WDHD1: variants seen among roughly 807,000 people sequenced by gnomAD.
The protein encoded by WDHD1 is WD repeat and HMG-box DNA-binding protein 1.
Under a neutral mutation model 135.4 loss-of-function variants are expected in WDHD1, and 111 were observed. That is an observed-to-expected ratio of 0.82 (90% CI 0.70 to 0.96). The LOEUF (loss-of-function observed/expected upper bound fraction) is 0.96. Among genes scored for constraint, WDHD1 ranks in the 40% least tolerant of loss-of-function variants. The pLI is 0.00. For synonymous variants in WDHD1, 434 were observed against 439.0 expected (o/e 0.99, Z 0.14); for missense variants, 1,351 against 1,336.3 (o/e 1.01, Z -0.17).
At chr14:54,967,167 G>A in intron 17 of WDHD1, 113 bp downstream of exon 17, 4 of 868,418 alleles carry the variant, frequency 4.6e-6, no homozygotes, top group South Asian at 1.5e-5. Context: ...CCCTATTTAT[G>A]TAATTATACA....
rs2041040705 is a variant in WDHD1, at chr14:54,950,952, G to C, written c.3050+4609C>G. Among the ~76,000 whole-genome samples, 3 of 152,032 alleles carry C rather than the reference G, an allele frequency of 2.0e-5. No individual in the cohort carries two copies. In the South Asian group the frequency reaches 6.2e-4, roughly 32 times the overall value. On this transcript the variant is annotated intron_variant, in intron 24 of 25. Transcript: ENST00000360586. ...TAAAGATGTTCTTTGAAACCAACGAGAACAAAGACACAGCATACCAGAATC... is the reference window on the plus strand; with the variant it reads ...TAAAGATGTTCTTTGAAACCAACGACAACAAAGACACAGCATACCAGAATC...
At chr14:54,955,858 C>T (rs1414336161) in intron 23 of WDHD1, among the ~76,000 whole-genome samples, 164 bp from the exon 24 acceptor site, 1 of 143,642 alleles carries the variant, frequency 7.0e-6, no homozygotes, top group Non-Finnish European at 1.5e-5. Context: ...CAAACACATG[C>T]AAAACCAAAA....
At chr14:54,962,434 T>A (rs1013798465) in intron 21 of WDHD1, 64 bp downstream of exon 21, 1 of 1,228,280 alleles carries the variant, frequency 8.1e-7, no homozygotes, top group Non-Finnish European at 1.2e-6. Flanking sequence ...TTTGCGTAGA[T>A]GTGTCACTTT....
At position 54,984,761 on chromosome 14, in the gene WDHD1, C is replaced by T; in HGVS notation, c.1868G>A (p.Arg623Lys). The change falls in exon 15 of 26, where the codon AGG becomes AAG. Residue 623 changes from arginine to lysine, a missense_variant. Transcript: ENST00000360586. ...ILHGDPLPLT[R>K]KSYLAWIGFS... The stretch of plus-strand genomic sequence containing the variant: ...CCCAATCCATGCAAGGTAGGATTTC[C>T]TTGTAAGAGGAAGAGGGTCACCATG... 4 of 1,613,174 alleles carry T rather than the reference C, an allele frequency of 2.5e-6. No homozygotes were observed. Among genetic ancestry groups the T allele is most frequent in the Non-Finnish European group, 3.4e-6 (4 of 1,179,720 alleles).
intron 3 of WDHD1, among the ~76,000 whole-genome samples, chr14:55,010,706 TG>T (rs1326626963): frequency 1.3e-5 from 2 of 152,234 alleles, no homozygotes; most frequent in Admixed American, 6.5e-5. Context: ...CTTTTACTTC[TG>T]GTAAGAAAAA....
chr14:54,988,775 T>C (rs74991960), intron 13 of WDHD1, among the ~76,000 whole-genome samples: 1 of 149,128 alleles, frequency 6.7e-6, no homozygotes, highest in South Asian at 2.1e-4. Context: ...AAAAAAAAAA[T>C]CCCATCTCTT....
intron 5 of WDHD1, 58 bp from the exon 6 acceptor site, chr14:55,008,424 T>C: frequency 5.8e-6 from 9 of 1,552,748 alleles, no homozygotes; most frequent in Non-Finnish European, 7.9e-6. Context: ...ACATGGAAAG[T>C]GGTTCAATTA....
chr14:55,013,155 G>A (rs1458370307), intron 3 of WDHD1, among the ~76,000 whole-genome samples: 2 of 128,556 alleles, frequency 1.6e-5, no homozygotes, highest in Non-Finnish European at 3.1e-5. Context: ...GAGCCCAGGA[G>A]TTTGAGACCG....
Position 54,989,245 on chromosome 14 carries a change from G to C in WDHD1, c.1342-33C>G, listed in dbSNP as rs111812968. 1,323 of 1,532,770 alleles carry C rather than the reference G, an allele frequency of 8.6e-4. 16 individuals are homozygous for C. The African/African-American group carries it at 0.016, about 19-fold the overall frequency. 94.9% of individuals were successfully genotyped at this position (1,532,770 alleles called of 1,614,324 possible). A position where few individuals can be genotyped will look rare whatever the true frequency, so the allele number is the denominator to read the frequency against. ...CAGGTAAGATTAAATATAAGTCTGA[G>C]AAAAACTGAAGCTCCTAGAATCAGT... On this transcript the variant is annotated intron_variant, in intron 12 of 25. Transcript: ENST00000360586.
intron 2 of WDHD1, among the ~76,000 whole-genome samples, chr14:55,017,663 T>C (rs2042282530): frequency 6.6e-6 from 1 of 152,168 alleles, no homozygotes; most frequent in African/African-American, 2.4e-5. Context: ...ATGTTCTTAC[T>C]ATATTAGGAA....
intron 3 of WDHD1, among the ~76,000 whole-genome samples, chr14:55,011,285 T>C (rs1047860672): frequency 2.0e-5 from 3 of 152,106 alleles, no homozygotes; most frequent in African/African-American, 7.2e-5. Context: ...ATCCCAGCAC[T>C]TTGGGAGGCC....
intron 16 of WDHD1, among the ~76,000 whole-genome samples, chr14:54,968,034 A>G (rs78929890): frequency 0.025 from 3,822 of 152,312 alleles, 65 homozygotes; most frequent in South Asian, 0.04. Flanking sequence ...AATACCTGTC[A>G]TGGAATCCAT....
intron 2 of WDHD1, among the ~76,000 whole-genome samples, chr14:55,023,696 ATCATACAGTGTTTTAAGCAGATACAACC>A (rs953696514): frequency 2.0e-5 from 3 of 152,256 alleles, no homozygotes; most frequent in Non-Finnish European, 4.4e-5. Context: ...GCTCATGAGC[ATCATACAGTGTTTTAAGCAGATACAACC>A]TCATACAGTG....
intron 21 of WDHD1, among the ~76,000 whole-genome samples, chr14:54,958,108 C>G (rs1044779735): frequency 3.3e-5 from 5 of 151,606 alleles, no homozygotes; most frequent in African/African-American, 1.2e-4. Context: ...ACCATTTTCT[C>G]TCGCCTCCTC....
chr14:54,986,029 G>A (rs998309268), intron 14 of WDHD1, among the ~76,000 whole-genome samples: 4 of 152,176 alleles, frequency 2.6e-5, no homozygotes, highest in African/African-American at 9.7e-5. Flanking sequence ...GTAGGCAACT[G>A]GATGTGTAAG....
chr14:55,019,823 C>T (rs901359245), intron 2 of WDHD1, among the ~76,000 whole-genome samples: 1 of 152,142 alleles, frequency 6.6e-6, no homozygotes, highest in African/African-American at 2.4e-5. Flanking sequence ...GAGCCGAGAT[C>T]GTGCCACTGC....
rs375441329 is a variant in WDHD1, at chr14:54,980,802, TAAAA to T, written c.2063+734_2063+737del. 9.2e-3 allele frequency among the ~76,000 whole-genome samples: 769 copies of T among 83,596 alleles called. 4 individuals are homozygous for T. Among genetic ancestry groups the T allele is most frequent in the African/African-American group, 0.028 (581 of 20,958 alleles). The allele number at this position is 83,596 out of a possible 152,430, so 54.8% of individuals were successfully genotyped here. On this transcript the variant is annotated intron_variant, in intron 16 of 25. Transcript: ENST00000360586. ...CTGGGTGACAGAGTGAGACTCCACA[TAAAA>T]AAAAAAAAAAAAAAAAAAACTCAGC...
intron 16 of WDHD1, among the ~76,000 whole-genome samples, chr14:54,969,453 A>C (rs2041397679): frequency 6.6e-6 from 1 of 152,184 alleles, no homozygotes; most frequent in South Asian, 2.1e-4. Context: ...TCTGCACAGC[A>C]AAGAAAATCT....
intron 16 of WDHD1, among the ~76,000 whole-genome samples, chr14:54,976,989 A>G (rs1566722191): frequency 6.6e-6 from 1 of 152,138 alleles, no homozygotes; most frequent in Non-Finnish European, 1.5e-5. Flanking sequence ...CAATTATTCT[A>G]CAACAAGCTG....
Sources: gnomAD v4.1 joint callset for allele counts (sites outside exome capture counted in the v4.1 genomes callset) on GRCh38, gnomAD v4.1.1 for gene constraint, MANE v1.5 for transcripts, NCBI Gene and HGNC (gene_info 2026-07-23, HGNC 2026-07-21) for gene names.